Variants in GPC5 observed in about 807,000 individuals in gnomAD.
The protein encoded by GPC5 is glypican 5.
GPC5 carries 47 observed loss-of-function variants against 53.9 expected under a neutral mutation model. The ratio of observed to expected loss-of-function variants is 0.87; its 90% CI spans 0.69 to 1.11. The LOEUF is 1.11. Among genes scored for constraint, GPC5 ranks in the 50% most tolerant of loss-of-function variants. The pLI is 0.00. For synonymous variants in GPC5, 286 were observed against 263.3 expected, an observed-to-expected ratio of 1.09 and a Z score of -0.84; for missense variants, 748 against 713.1, an observed-to-expected ratio of 1.05 and a Z score of -0.56.
chr13:92,499,618 G>A (rs544896292), intron 7 of GPC5, among the ~76,000 whole-genome samples: 1 of 152,200 alleles, frequency 6.6e-6, no homozygotes, highest in Non-Finnish European at 1.5e-5. Context: ...ATTGGAGATA[G>A]GAGTCAGATC....
At chr13:92,312,058 A>T (rs1366102924) in intron 7 of GPC5, among the ~76,000 whole-genome samples, 1 of 152,150 alleles carries the variant, frequency 6.6e-6, no homozygotes, top group Non-Finnish European at 1.5e-5. Flanking sequence ...TGCTATTTTG[A>T]CCACTTAAAG....
chr13:91,598,024 G>C (rs1319196809), intron 2 of GPC5, among the ~76,000 whole-genome samples: 1 of 152,094 alleles, frequency 6.6e-6, no homozygotes, highest in East Asian at 1.9e-4. Flanking sequence ...GACCATGAGA[G>C]AGGTAACAAT....
intron 7 of GPC5, among the ~76,000 whole-genome samples, chr13:92,362,444 T>C (rs1440003604): frequency 6.6e-6 from 1 of 151,834 alleles, no homozygotes; most frequent in Non-Finnish European, 1.5e-5. Context: ...TACTAGCTCC[T>C]TTCAGTCTCC....
intron 2 of GPC5, among the ~76,000 whole-genome samples, chr13:91,512,204 C>T (rs1205020187): frequency 6.6e-6 from 1 of 152,194 alleles, no homozygotes; most frequent in Non-Finnish European, 1.5e-5. Flanking sequence ...CCAAAGTTCA[C>T]GAGGCTAATT....
chr13:92,851,391 G>C (rs1878794463), intron 7 of GPC5, among the ~76,000 whole-genome samples: 2 of 152,168 alleles, frequency 1.3e-5, no homozygotes, highest in Non-Finnish European at 2.9e-5. Context: ...TCTCAGGCAA[G>C]ACGCTGGAAG....
At chr13:91,685,615 C>A (rs80170414) in intron 2 of GPC5, among the ~76,000 whole-genome samples, 3,159 of 152,156 alleles carry the variant, frequency 0.021, 98 homozygotes, top group African/African-American at 0.068. Flanking sequence ...TATACTTTAT[C>A]TTTTACTCTG....
intron 7 of GPC5, among the ~76,000 whole-genome samples, chr13:92,215,954 T>C (rs1348349961): frequency 3.3e-5 from 5 of 152,148 alleles, no homozygotes; most frequent in African/African-American, 1.2e-4. Flanking sequence ...GGACAGTGCA[T>C]GGTGAGAGGG....
intron 7 of GPC5, among the ~76,000 whole-genome samples, chr13:92,276,691 T>G (rs1424807694): frequency 6.6e-6 from 1 of 152,112 alleles, no homozygotes; most frequent in Non-Finnish European, 1.5e-5. Flanking sequence ...TACACTATGT[T>G]TTGCTCTATG....
intron 7 of GPC5, among the ~76,000 whole-genome samples, chr13:92,247,910 T>A (rs1434238803): frequency 1.3e-5 from 2 of 152,122 alleles, no homozygotes; most frequent in African/African-American, 2.4e-5. Flanking sequence ...TATTGCAGTA[T>A]CCTTTGATAG....
intron 2 of GPC5, among the ~76,000 whole-genome samples, chr13:91,473,474 G>A (rs926484751): frequency 6.6e-6 from 1 of 152,056 alleles, no homozygotes; most frequent in Non-Finnish European, 1.5e-5. Flanking sequence ...ACAGTACAGG[G>A]TTCCCTTTTA....
chr13:91,544,529 A>G (rs1262074927), intron 2 of GPC5, among the ~76,000 whole-genome samples: 5 of 152,314 alleles, frequency 3.3e-5, no homozygotes, highest in Non-Finnish European at 5.9e-5. Flanking sequence ...GTACACATCA[A>G]CATACAGTCA....
At chr13:92,219,695 TGG>T (rs1273314594) in intron 7 of GPC5, among the ~76,000 whole-genome samples, 1 of 152,178 alleles carries the variant, frequency 6.6e-6, no homozygotes, top group African/African-American at 2.4e-5. Flanking sequence ...AGCTTCTGAT[TGG>T]TCACCTTCCA....
At chr13:91,484,647 G>A (rs1315401840) in intron 2 of GPC5, among the ~76,000 whole-genome samples, 2 of 152,114 alleles carry the variant, frequency 1.3e-5, no homozygotes, top group African/African-American at 4.8e-5. Flanking sequence ...AGGAGTTGGA[G>A]AGACTGTGGC....
chr13:92,730,393 T>C (rs771569372), intron 7 of GPC5, among the ~76,000 whole-genome samples: 4 of 151,450 alleles, frequency 2.6e-5, no homozygotes, highest in Non-Finnish European at 5.9e-5. Flanking sequence ...TACCACCTTA[T>C]AATGTTTTCC....
At chr13:91,484,435 A>G (rs996226080) in intron 2 of GPC5, among the ~76,000 whole-genome samples, 1 of 152,210 alleles carries the variant, frequency 6.6e-6, no homozygotes, top group Non-Finnish European at 1.5e-5. Context: ...CTCTACCCTA[A>G]TCACTTAAAA....
chr13:91,948,472 C>G (rs1404791192), intron 6 of GPC5, among the ~76,000 whole-genome samples: 2 of 151,984 alleles, frequency 1.3e-5, no homozygotes, highest in Non-Finnish European at 2.9e-5. Context: ...AATGAATTCT[C>G]TCTTATGGAA....
intron 2 of GPC5, among the ~76,000 whole-genome samples, chr13:91,606,808 T>G (rs1354767501): frequency 1.3e-5 from 2 of 152,152 alleles, no homozygotes; most frequent in African/African-American, 4.8e-5. Context: ...GATATCCCCT[T>G]TATCATTTTT....
intron 5 of GPC5, among the ~76,000 whole-genome samples, chr13:91,882,869 G>A (rs887198960): frequency 4.6e-5 from 7 of 151,790 alleles, no homozygotes; most frequent in Admixed American, 4.6e-4. Flanking sequence ...TTAAAAGGTG[G>A]TACATACAAA....
intron 7 of GPC5, among the ~76,000 whole-genome samples, chr13:92,197,030 G>T (rs2139054867): frequency 6.6e-6 from 1 of 152,314 alleles, no homozygotes; most frequent in Non-Finnish European, 1.5e-5. Context: ...AGTGAACTCT[G>T]AAGATGAGGG....
Sources: gnomAD v4.1 joint callset for allele counts (sites outside exome capture counted in the v4.1 genomes callset) on GRCh38, gnomAD v4.1.1 for gene constraint, MANE v1.5 for transcripts, NCBI Gene and HGNC (gene_info 2026-07-23, HGNC 2026-07-21) for gene names.